Variants in MUC3A observed in about 807,000 individuals in gnomAD.
The protein encoded by MUC3A is mucin 3A, cell surface associated.
In MUC3A, 109 loss-of-function variants were observed where a neutral mutation model predicts 109.0. That is an observed-to-expected ratio of 1.00 (90% CI 0.86 to 1.17). The LOEUF (loss-of-function observed/expected upper bound fraction) is 1.17. Among genes scored for constraint, MUC3A ranks in the 50% most tolerant of loss-of-function variants. The pLI, the probability that MUC3A is intolerant of heterozygous loss-of-function variation, is 0.00. For synonymous variants in MUC3A, 1,398 were observed against 981.4 expected (o/e 1.42, Z -7.93); for missense variants, 3,537 against 2,469.4 (o/e 1.43, Z -9.16).
chr7:100,963,127 T>C lies in MUC3A; in HGVS notation c.9053-24T>C. 4 of 1,595,434 alleles carry C rather than the reference T, an allele frequency of 2.5e-6. No homozygotes were observed. In the East Asian group the frequency reaches 8.9e-5, roughly 36 times the overall value. ...AGACAAAAGCAGACAGAGAAGTGAC[T>C]GGGGACATGCATGCTCTGTGTAGAT... On this transcript the variant is annotated intron_variant, in intron 3 of 11. Coordinates refer to ENST00000379458, the MANE Select transcript of MUC3A (RefSeq NM_005960.2).
In MUC3A at chr7:100,958,885, C is replaced by T. The variant is rs1341367165; in HGVS notation, c.7106C>T (p.Ser2369Leu). ...TSSITTTETT[S>L]HSTPSFSSSI... The stretch of plus-strand genomic sequence containing the variant: ...TCGATCACCACCACCGAGACCACCT[C>T]ACACAGTACTCCCAGCTTCAGTTCT... Residue 2369 changes from serine to leucine, a missense_variant, in exon 2 of 12, where the codon TCA becomes TTA. By Grantham distance (145) the Ser-to-Leu change is moderately radical. Coordinates refer to ENST00000379458, the MANE Select transcript of MUC3A (RefSeq NM_005960.2). 6.3e-6 allele frequency: 10 copies of T among 1,594,466 alleles called. No individual in the cohort carries two copies. Among genetic ancestry groups the T allele is most frequent in the Non-Finnish European group, 8.5e-6 (10 of 1,177,348 alleles).
chr7:100,965,589 C>A, intron 7 of MUC3A, 115 bp from the exon 8 acceptor site: 3 of 1,506,732 alleles, frequency 2.0e-6, no homozygotes, highest in South Asian at 1.3e-5. Context: ...TACCCCACAG[C>A]ATCCCACCTC....
chr7:100,963,817 C>A, intron 5 of MUC3A, 65 bp downstream of exon 5: 3 of 1,590,024 alleles, frequency 1.9e-6, no homozygotes, highest in South Asian at 2.2e-5. Flanking sequence ...ACACAAAAAA[C>A]CCATTCCTTT....
chr7:100,962,797 T>TTTTCTC (rs1376274216), intron 3 of MUC3A, among the ~76,000 whole-genome samples: 1 of 143,318 alleles, frequency 7.0e-6, no homozygotes, highest in Admixed American at 7.2e-5. Flanking sequence ...CTTTCTTTCT[T>TTTTCTC]TCTCTCTCTC....
rs1265970337 is a variant in MUC3A at position 100,956,971 on chromosome 7, G to A, written c.5192G>A (p.Ser1731Asn). 7.0e-5 allele frequency: 30 copies of A among 426,994 alleles called. No individual in the cohort carries two copies. The highest frequency in any genetic ancestry group is 2.1e-4 in the Admixed American group (5 of 24,266). 26.5% of individuals were successfully genotyped at this position (426,994 alleles called of 1,614,324 possible). Residue 1731 changes from serine to asparagine, a missense_variant, in exon 2 of 12, where the codon AGT (serine) becomes AAT (asparagine). Coordinates refer to ENST00000379458, the MANE Select transcript of MUC3A (RefSeq NM_005960.2). ...GGCACAGGTCAGACTACATTCACCA[G>A]TTCAACAGCCACATCCCCTAAGACC... ...TTGTGQTTFTSSTATSPKTTT... is the reference protein window; with the variant it reads ...TTGTGQTTFTNSTATSPKTTT...
chr7:100,965,677 C>G (rs1792507825), intron 7 of MUC3A, 27 bp from the exon 8 acceptor site: 1 of 1,587,756 alleles, frequency 6.3e-7, no homozygotes. Context: ...GTCCTTGTCT[C>G]TGTGCATCCC....
At position 100,965,354 on chromosome 7, in the gene MUC3A, G is replaced by T; in HGVS notation, c.9448+7G>T. ...ACAGAGCTGACCCCGGCAGGTAAGG[G>T]TGGGGTAAAGGGCTGAGTGGTCTCC... On this transcript the variant is annotated splice_region_variant and intron_variant, in intron 7 of 11. Coordinates refer to ENST00000379458, the MANE Select transcript of MUC3A (RefSeq NM_005960.2). 1 of 1,597,128 alleles carries T rather than the reference G, an allele frequency of 6.3e-7. No individual in the cohort carries two copies. The highest frequency in any genetic ancestry group is 8.5e-7 in the Non-Finnish European group (1 of 1,178,796).
chr7:100,953,661 G>A lies in MUC3A; in HGVS notation c.1882G>A (p.Ala628Thr), dbSNP rs1290278311. 2.9e-6 allele frequency: 1 copy of A among 347,260 alleles called. No individual in the cohort carries two copies. 21.5% of individuals were successfully genotyped at this position (347,260 alleles called of 1,614,324 possible). Residue 628 changes from alanine to threonine, a missense_variant, in exon 2 of 12, where the codon GCC becomes ACC. Physicochemically the swap from Ala to Thr is moderately conservative, Grantham distance 58. Transcript: ENST00000379458. ...CATGTCCACAGAATCTCTCACAACA[G>A]CCATGACTTCTCCTCCCATCACTTC... is the stretch of plus-strand genomic sequence containing the variant. ...TDMSTESLTTAMTSPPITSSV... is the reference protein window; with the variant it reads ...TDMSTESLTTTMTSPPITSSV...
chr7:100,964,594 C>CT, intron 5 of MUC3A, 101 bp from the exon 6 acceptor site: 1 of 1,341,744 alleles, frequency 7.5e-7, no homozygotes, highest in Non-Finnish European at 9.5e-7. Flanking sequence ...ACCTCTGCTC[C>CT]CTTCCCCCTT....
Position 100,964,702 on chromosome 7 carries a change from A to C in MUC3A, c.9241A>C (p.Ser3081Arg). ...AGGCTGTGGACCCCTCAGGAATGGC[A>C]GCATCGTGGTGGACTACCTGGTCCT... is the stretch of plus-strand genomic sequence containing the variant. ...GVEILSLRNG[S>R]IVVDYLVLLE... The change falls in exon 6 of 12, where the codon AGC becomes CGC. Residue 3081 changes from serine (S) to arginine (R), a missense_variant. Coordinates refer to ENST00000379458, the MANE Select transcript of MUC3A (RefSeq NM_005960.2). 1 of 1,598,180 alleles carries C rather than the reference A, an allele frequency of 6.3e-7. No individual in the cohort carries two copies. The highest frequency in any genetic ancestry group is 8.5e-7 in the Non-Finnish European group (1 of 1,179,558).
intron 11 of MUC3A, 73 bp from the exon 12 acceptor site, chr7:100,967,048 G>T: frequency 6.3e-7 from 1 of 1,598,446 alleles, no homozygotes; most frequent in South Asian, 1.1e-5. Context: ...GGCTGGGCTC[G>T]GATCAGCAGT....
At chr7:100,965,465 G>T in intron 7 of MUC3A, 118 bp downstream of exon 7, 2 of 1,495,862 alleles carry the variant, frequency 1.3e-6, no homozygotes, top group Non-Finnish European at 9.0e-7. Context: ...AAGTCATGTG[G>T]CCCAGGGCGG....
Position 100,962,124 on chromosome 7 carries a change from T to C in MUC3A, c.9053-1027T>C, listed in dbSNP as rs1382499490. 9.8e-4 allele frequency among the ~76,000 whole-genome samples: 93 copies of C among 95,354 alleles called. 25 individuals carry two copies. The highest frequency in any genetic ancestry group is 6.3e-3 in the South Asian group (17 of 2,686). The allele number at this position is 95,354 out of a possible 152,430, so 62.6% of individuals were successfully genotyped here. ...GCGGGCGCCTGTAGTCCCAGCTACT[T>C]GGGAGGCTGAGGCGGGAGAATGGCG... On this transcript the variant is annotated intron_variant, in intron 3 of 11. Coordinates refer to ENST00000379458, the MANE Select transcript of MUC3A (RefSeq NM_005960.2).
rs1792639126 is a variant in MUC3A at position 100,967,435 on chromosome 7, CAT to C, written c.*274_*275del. The C allele has an allele frequency of 1.7e-6, 1 of 602,292 alleles. No homozygotes were observed. The highest frequency in any genetic ancestry group is 2.9e-6 in the Non-Finnish European group (1 of 340,430). The allele number at this position is 602,292 out of a possible 1,614,324, so 37.3% of individuals were successfully genotyped here. A position where few individuals can be genotyped will look rare whatever the true frequency, so the allele number is the denominator to read the frequency against. On this transcript the variant is annotated 3_prime_UTR_variant, in exon 12 of 12. Transcript: ENST00000379458. The stretch of plus-strand genomic sequence containing the variant: ...TTCCTCACCTGCAAAACGGGTACAG[CAT>C]TCCTGTATGATAGCTCACGCCGTTG...
chr7:100,960,420 CT>C lies in MUC3A; in HGVS notation c.8642del (p.Leu2881HisfsTer13). ...GCTGAGCAACAGTTCTGTGATCCCC[CT>C]ACCTCTTCCTGGCGTCTCTACCATC... ...TWLSNSSVIPLPLPGVSTIPL... is the reference protein window; with the variant it reads ...TWLSNSSVIPXPLPGVSTIPL... On this transcript the variant is annotated frameshift_variant, in exon 2 of 12. Transcript: ENST00000379458. LOFTEE classifies it high-confidence loss of function. 6.3e-7 allele frequency: 1 copy of C among 1,596,224 alleles called. No homozygotes were observed. Among genetic ancestry groups the C allele is most frequent in the Non-Finnish European group, 8.5e-7 (1 of 1,178,392 alleles).
In MUC3A at chr7:100,953,114, C is replaced by T. The variant is rs1453323252; in HGVS notation, c.1335C>T (p.Phe445=). ...TPSSLSTDIP[F]TTPTTITHHS... ...CTTCTCTGAGTACAGACATCCCTTT[C>T]ACAACACCAACAACTATCACCCACC... The change falls in exon 2 of 12, where the codon TTC becomes TTT. Residue 445 remains phenylalanine, a synonymous_variant. Transcript: ENST00000379458. 3.9e-6 allele frequency: 3 copies of T among 762,050 alleles called. No homozygotes were observed. Among genetic ancestry groups the T allele is most frequent in the South Asian group, 1.9e-5 (1 of 52,360 alleles). The allele number at this position is 762,050 out of a possible 1,614,324, so 47.2% of individuals were successfully genotyped here.
Position 100,957,906 on chromosome 7 carries a change from T to C in MUC3A, c.6127T>C (p.Phe2043Leu), listed in dbSNP as rs1584803094. 101 of 610,728 alleles carry C rather than the reference T, an allele frequency of 1.7e-4. 1 individual carries two copies. The East Asian group carries it at 2.6e-3, about 16-fold the overall frequency. 37.8% of individuals were successfully genotyped at this position (610,728 alleles called of 1,614,324 possible). ...GACCACATCCCATAGTACTCCCAGC[T>C]TCACTTCTTCGATCACCACCGAGAC... ...TETTSHSTPS[F>L]TSSITTETTS... The change falls in exon 2 of 12, where the codon TTC (phenylalanine) becomes CTC (leucine). Residue 2043 changes from phenylalanine (F) to leucine (L), a missense_variant. Phe to Leu is a conservative substitution (Grantham distance 22). Transcript: ENST00000379458.
In MUC3A at chr7:100,961,087, C is replaced by G. The variant is rs1247116511; in HGVS notation, c.9052+150C>G. 16 of 1,514,440 alleles carry G rather than the reference C, an allele frequency of 1.1e-5. No homozygotes were observed. In the Admixed American group the frequency reaches 2.0e-4, roughly 19 times the overall value. 93.8% of individuals were successfully genotyped at this position (1,514,440 alleles called of 1,614,324 possible). ...CATCTCTCCCATGCCCTCCGCTGCC[C>G]TGTGTCATGCTCCTCTCCGTCCTCA... On this transcript the variant is annotated intron_variant, in intron 3 of 11. Coordinates refer to ENST00000379458, the MANE Select transcript of MUC3A (RefSeq NM_005960.2).
intron 5 of MUC3A, chr7:100,964,310 A>T: frequency 5.1e-6 from 1 of 197,512 alleles, no homozygotes; most frequent in African/African-American, 2.3e-5. Flanking sequence ...TAATAAAATG[A>T]TTAGCCAGGC....
Sources: allele counts gnomAD v4.1 joint callset (sites outside exome capture counted in the v4.1 genomes callset), GRCh38; gene constraint gnomAD v4.1.1; transcripts MANE v1.5; gene names NCBI Gene and HGNC (gene_info 2026-07-23, HGNC 2026-07-21).